CUL9: variants seen among roughly 807,000 people sequenced by gnomAD.
The protein encoded by CUL9 is cullin 9.
Under a neutral mutation model 272.6 loss-of-function variants are expected in CUL9, and 79 were observed. That is an observed-to-expected ratio of 0.29 (90% CI 0.24 to 0.35). CUL9 has a LOEUF of 0.35. Among genes scored for constraint, CUL9 ranks in the 10% least tolerant of loss-of-function variants. CUL9 has a pLI of 1.00. For synonymous variants in CUL9, 1,186 were observed against 1,286.5 expected (o/e 0.92, Z 1.67); for missense variants, 2,532 against 3,255.6 (o/e 0.78, Z 5.41).
intron 7 of CUL9, 71 bp downstream of exon 7, chr6:43,188,189 A>G: frequency 6.4e-7 from 1 of 1,558,340 alleles, no homozygotes. Flanking sequence ...ATGGATAGTC[A>G]GGATCGAAGG....
At chr6:43,191,511 T>TTTTTTTTC (rs1773506803) in intron 8 of CUL9, among the ~76,000 whole-genome samples, 1 of 149,726 alleles carries the variant, frequency 6.7e-6, no homozygotes, top group Non-Finnish European at 1.5e-5. Flanking sequence ...TTTTTACTTT[T>TTTTTTTTC]TGTAGAGATG....
intron 31 of CUL9, 28 bp downstream of exon 31, chr6:43,216,531 C>T (rs13213011): frequency 1.4e-5 from 21 of 1,548,550 alleles, no homozygotes; most frequent in Non-Finnish European, 1.5e-5. Flanking sequence ...TTGCTCCTGC[C>T]CCTGGCTTTC....
chr6:43,197,644 C>T (rs554022733), intron 11 of CUL9, among the ~76,000 whole-genome samples: 1 of 150,312 alleles, frequency 6.7e-6, no homozygotes, highest in Middle Eastern at 3.5e-3. Context: ...CCACCACACC[C>T]AGCTAATTTT....
chr6:43,222,546 T>G lies in CUL9; in HGVS notation c.6937T>G (p.Leu2313Val), dbSNP rs1776459377. 6.2e-7 allele frequency: 1 copy of G among 1,613,950 alleles called. No homozygotes were observed. The highest frequency in any genetic ancestry group is 2.2e-5 in the East Asian group (1 of 44,874). The change falls in exon 37 of 41, where the codon TTG (leucine) becomes GTG (valine). Residue 2313 changes from leucine to valine, a missense_variant. Leu to Val is a conservative substitution (Grantham distance 32). Coordinates refer to ENST00000252050, the MANE Select transcript of CUL9 (RefSeq NM_015089.4). ...HHQAREFAVN[L>V]RNRVSAIHEV... The stretch of plus-strand genomic sequence containing the variant: ...CTCCACACAGGAGTTTGCTGTGAAC[T>G]TGCGGAACCGGGTGTCTGCCATCCA...
chr6:43,187,023 C>T lies in CUL9; in HGVS notation c.1315C>T (p.Pro439Ser). ...CTGGCACATGCTGGAGATCCTGGGCCCTGAGGAAGCCACTGAGGATAAGGC... is the reference window on the plus strand; with the variant it reads ...CTGGCACATGCTGGAGATCCTGGGCTCTGAGGAAGCCACTGAGGATAAGGC... Reference protein sequence around the residue: ...VHWHMLEILGPEEATEDKASA... With the variant: ...VHWHMLEILGSEEATEDKASA... Residue 439 changes from proline to serine, a missense_variant, in exon 5 of 41, where the codon CCT (proline) becomes TCT (serine). Coordinates refer to ENST00000252050, the MANE Select transcript of CUL9 (RefSeq NM_015089.4). 6.2e-7 allele frequency: 1 copy of T among 1,614,070 alleles called. No individual in the cohort carries two copies. Among genetic ancestry groups the T allele is most frequent in the East Asian group, 2.2e-5 (1 of 44,882 alleles).
rs1330558382 is a variant in CUL9, at chr6:43,199,063, A to C, written c.3051-203A>C. On this transcript the variant is annotated intron_variant, in intron 12 of 40. Coordinates refer to ENST00000252050, the MANE Select transcript of CUL9 (RefSeq NM_015089.4). This position sits in a 1 kb window ranked among gnomAD's most constrained non-coding sequence, Gnocchi z 4.4. ...GTGGTTCTCCTGCCTCAGCCTCCCG[A>C]GTAGCTGGGATTGCAGGCATGTGCC... Among the ~76,000 whole-genome samples the C allele has an allele frequency of 6.6e-6, 1 of 151,578 alleles. No homozygotes were observed. The highest frequency in any genetic ancestry group is 1.5e-5 in the Non-Finnish European group (1 of 67,974).
rs1265332722 is a variant in CUL9, at chr6:43,200,046, T to C, written c.3274T>C (p.Ser1092Pro). The C allele has an allele frequency of 6.2e-7, 1 of 1,614,026 alleles. No homozygotes were observed. The highest frequency in any genetic ancestry group is 8.5e-7 in the Non-Finnish European group (1 of 1,180,002). The change falls in exon 14 of 41, where the codon TCA becomes CCA. Residue 1092 changes from serine (S) to proline (P), a missense_variant. Ser to Pro is a moderately conservative substitution (Grantham distance 74, BLOSUM62 -1). Coordinates refer to ENST00000252050, the MANE Select transcript of CUL9 (RefSeq NM_015089.4). The surrounding 1 kb of genome is among the most constrained non-coding windows in gnomAD (Gnocchi z 4.0). ...EILSKVLDKH[S>P]AQLLLGCELR... ...CCTCTCCAAAGTCCTGGACAAGCAC[T>C]CAGCTCAGCTGCTGCTGGGCTGTGA...
At chr6:43,194,225 C>T (rs1482666200) in intron 9 of CUL9, among the ~76,000 whole-genome samples, 1 of 152,162 alleles carries the variant, frequency 6.6e-6, no homozygotes, top group Non-Finnish European at 1.5e-5. Flanking sequence ...TGAACGGGAG[C>T]ATGTGTCCTC....
intron 4 of CUL9, 117 bp downstream of exon 4, chr6:43,186,572 G>T: frequency 2.1e-6 from 3 of 1,400,820 alleles, no homozygotes; most frequent in South Asian, 2.8e-5. Flanking sequence ...TGGGGAATTG[G>T]AATGATACAA....
At position 43,204,548 on chromosome 6, in the gene CUL9, C is replaced by A. The variant is rs1297576583; in HGVS notation, c.4339+9C>A. The A allele has an allele frequency of 1.2e-6, 2 of 1,613,878 alleles. No individual in the cohort carries two copies. The highest frequency in any genetic ancestry group is 2.2e-5 in the South Asian group (2 of 91,090). ...GCCATCCACTCGGCCCTGTAAGTCC[C>A]AGCTGTGGCCAGTGGAGCTGACTCT... On this transcript the variant is annotated intron_variant, in intron 21 of 40. Coordinates refer to ENST00000252050, the MANE Select transcript of CUL9 (RefSeq NM_015089.4).
In CUL9 at chr6:43,215,410, C is replaced by G. The variant is rs144778693; in HGVS notation, c.5936+84C>G. On this transcript the variant is annotated intron_variant, in intron 30 of 40. Transcript: ENST00000252050. Reference sequence around the variant, plus strand: ...AGATCCCTTGTGGAGAAACACTTCCCTTCTTTCTTTGTCTGATCCCCTTTT... The same window carrying G: ...AGATCCCTTGTGGAGAAACACTTCCGTTCTTTCTTTGTCTGATCCCCTTTT... 4,546 of 1,492,976 alleles carry G rather than the reference C, an allele frequency of 3.0e-3. 6 individuals carry two copies. The highest frequency in any genetic ancestry group is 3.8e-3 in the Non-Finnish European group (4,226 of 1,124,798). The allele number at this position is 1,492,976 out of a possible 1,614,324, so 92.5% of individuals were successfully genotyped here. A position where few individuals can be genotyped will look rare whatever the true frequency, so the allele number is the denominator to read the frequency against.
chr6:43,203,682 A>G lies in CUL9; in HGVS notation c.4025+90A>G. The G allele has an allele frequency of 6.6e-7, 1 of 1,525,230 alleles. No individual in the cohort carries two copies. The highest frequency in any genetic ancestry group is 8.9e-7 in the Non-Finnish European group (1 of 1,129,568). The allele number at this position is 1,525,230 out of a possible 1,614,324, so 94.5% of individuals were successfully genotyped here. A position where few individuals can be genotyped will look rare whatever the true frequency, so the allele number is the denominator to read the frequency against. Reference sequence around the variant, plus strand: ...GCTCCTGTGGGAGTCCGGAAGGGAAAGCTGCAGCCAGGACATGAGGGGGAA... The same window carrying G: ...GCTCCTGTGGGAGTCCGGAAGGGAAGGCTGCAGCCAGGACATGAGGGGGAA... On this transcript the variant is annotated intron_variant, in intron 19 of 40. Coordinates refer to ENST00000252050, the MANE Select transcript of CUL9 (RefSeq NM_015089.4). The surrounding 1 kb of genome is among the most constrained non-coding windows in gnomAD (Gnocchi z 5.0).
intron 2 of CUL9, among the ~76,000 whole-genome samples, chr6:43,185,228 T>G (rs1772797186): frequency 6.6e-6 from 1 of 152,250 alleles, no homozygotes; most frequent in Non-Finnish European, 1.5e-5. Context: ...TTTAAAAACT[T>G]AAGTCATTAG....
Position 43,200,005 on chromosome 6 carries a change from T to G in CUL9, c.3233T>G (p.Leu1078Arg), listed in dbSNP as rs1339037814. 6.2e-7 allele frequency: 1 copy of G among 1,614,110 alleles called. No individual in the cohort carries two copies. The highest frequency in any genetic ancestry group is 8.5e-7 in the Non-Finnish European group (1 of 1,180,046). The change falls in exon 14 of 41, where the codon CTG (leucine) becomes CGG (arginine). Residue 1078 changes from leucine to arginine, a missense_variant. Coordinates refer to ENST00000252050, the MANE Select transcript of CUL9 (RefSeq NM_015089.4). The surrounding 1 kb of genome is among the most constrained non-coding windows in gnomAD (Gnocchi z 4.0). ...HKDYAVVLCC[L>R]GAKEILSKVL... The stretch of plus-strand genomic sequence containing the variant: ...GACTATGCTGTGGTGCTCTGCTGCC[T>G]GGGAGCAAAAGAGATCCTCTCCAAA...
Position 43,224,057 on chromosome 6 carries a change from C to T in CUL9, c.7285-38C>T, listed in dbSNP as rs762002037. 2 of 1,605,984 alleles carry T rather than the reference C, an allele frequency of 1.2e-6. No individual in the cohort carries two copies. The highest frequency in any genetic ancestry group is 1.7e-5 in the Admixed American group (1 of 60,004). ...ATGCTGGGTCCAAAGGCCCCATGCC[C>T]TCTACCTCCTTCTCAAATCCTTCTG... On this transcript the variant is annotated intron_variant, in intron 39 of 40. Transcript: ENST00000252050. The surrounding 1 kb of genome is among the most constrained non-coding windows in gnomAD (Gnocchi z 4.2).
chr6:43,193,781 G>C (rs1773741042), intron 9 of CUL9, among the ~76,000 whole-genome samples: 1 of 152,184 alleles, frequency 6.6e-6, no homozygotes. Context: ...CTGAGAGAGA[G>C]AGAATGTTGC....
In CUL9 at chr6:43,220,027, C is replaced by T. The variant is rs979432437; in HGVS notation, c.6283-432C>T. On this transcript the variant is annotated intron_variant, in intron 31 of 40. Transcript: ENST00000252050. This position sits in a 1 kb window ranked among gnomAD's most constrained non-coding sequence, Gnocchi z 4.9. ...TAAGTCAGAGACAGGAGCATCCGGA[C>T]GGTCATTGGAGATAAGCCACTGGAG... Among the ~76,000 whole-genome samples the T allele has an allele frequency of 2.6e-5, 4 of 152,098 alleles. No homozygotes were observed. The South Asian group carries it at 6.2e-4, about 24-fold the overall frequency.
chr6:43,216,631 CT>C, intron 31 of CUL9, 128 bp downstream of exon 31: 1 of 840,184 alleles, frequency 1.2e-6, no homozygotes, highest in Admixed American at 2.7e-5. Context: ...GATTTAGTCT[CT>C]TAGTCCTTCT....
In CUL9 at chr6:43,222,452, G is replaced by C. The variant is rs1582442596; in HGVS notation, c.6921+62G>C. The C allele has an allele frequency of 2.5e-6, 4 of 1,583,224 alleles. No individual in the cohort carries two copies. In the East Asian group the frequency reaches 8.9e-5, roughly 35 times the overall value. On this transcript the variant is annotated intron_variant, in intron 36 of 40. Coordinates refer to ENST00000252050, the MANE Select transcript of CUL9 (RefSeq NM_015089.4). ...AAGCAGGTTGGGGTGGTGGGGTGGAGGGGGGTGGGCTGAAGGTCTGACCGG... is the reference window on the plus strand; with the variant it reads ...AAGCAGGTTGGGGTGGTGGGGTGGACGGGGGTGGGCTGAAGGTCTGACCGG...
Sources: allele counts gnomAD v4.1 joint callset (sites outside exome capture counted in the v4.1 genomes callset), GRCh38; gene constraint gnomAD v4.1.1; non-coding constraint Gnocchi (gnomAD v3.1); transcripts MANE v1.5; gene names NCBI Gene and HGNC (gene_info 2026-07-23, HGNC 2026-07-21).